The following HYDIN variants were observed in gnomAD, a reference collection of about 807,000 sequenced individuals.
HYDIN encodes HYDIN axonemal central pair apparatus protein.
HYDIN carries 132 observed loss-of-function variants against 403.9 expected under a neutral mutation model. The observed-to-expected ratio is 0.33, with a 90% confidence interval of 0.28 to 0.38. HYDIN has a LOEUF of 0.38. Among genes scored for constraint, HYDIN ranks in the 10% least tolerant of loss-of-function variants. HYDIN has a pLI of 1.00. For synonymous variants in HYDIN, 1,202 were observed against 1,891.7 expected, an observed-to-expected ratio of 0.64 and a Z score of 9.46; for missense variants, 2,827 against 5,009.5, an observed-to-expected ratio of 0.56 and a Z score of 13.15.
At chr16:70,812,254 C>A (rs1311556389) in intron 84 of HYDIN, among the ~76,000 whole-genome samples, 2 of 134,236 alleles carry the variant, frequency 1.5e-5, no homozygotes, top group East Asian at 4.3e-4. Flanking sequence ...CTTTGGGAGG[C>A]TAAGGCAGGA....
At position 70,896,094 on chromosome 16, in the gene HYDIN, G is replaced by A. The variant is rs565129136; in HGVS notation, c.9049-14C>T. 14 of 1,613,642 alleles carry A rather than the reference G, an allele frequency of 8.7e-6. No homozygotes were observed. The South Asian group carries it at 1.5e-4, about 18-fold the overall frequency. ...TGCATCTAAAACCTGGCAGGGAAAG[G>A]GAAAGTCTTCAGTAAAAGCAAGACC... On this transcript the variant is annotated splice_polypyrimidine_tract_variant and intron_variant, in intron 53 of 85. Coordinates refer to ENST00000393567, the MANE Select transcript of HYDIN (RefSeq NM_001270974.2).
intron 27 of HYDIN, among the ~76,000 whole-genome samples, chr16:70,986,637 T>C (rs926008744): frequency 6.4e-4 from 97 of 151,902 alleles, no homozygotes; most frequent in Non-Finnish European, 1.2e-3. Context: ...ACACAAAATC[T>C]GATTGGGAAG....
At chr16:70,960,020 T>C (rs1290801324) in intron 38 of HYDIN, among the ~76,000 whole-genome samples, 200 bp from the exon 39 acceptor site, 1 of 152,218 alleles carries the variant, frequency 6.6e-6, no homozygotes, top group Non-Finnish European at 1.5e-5. Context: ...GCTACTAAAA[T>C]AAAAAAACAG....
chr16:70,972,017 A>G (rs2078747334), intron 35 of HYDIN, among the ~76,000 whole-genome samples: 1 of 151,682 alleles, frequency 6.6e-6, no homozygotes, highest in Non-Finnish European at 1.5e-5. Flanking sequence ...ACCAATTCCA[A>G]CTCAACATTC....
chr16:71,194,405 G>A (rs1029639852), intron 1 of HYDIN, among the ~76,000 whole-genome samples: 2 of 152,130 alleles, frequency 1.3e-5, no homozygotes, highest in South Asian at 2.1e-4. Flanking sequence ...GTGAGACTCC[G>A]TCCCAAAAAT....
chr16:70,809,978 C>T lies in HYDIN; in HGVS notation c.14688G>A (p.Leu4896=), dbSNP rs759348210. The T allele has an allele frequency of 7.4e-6, 12 of 1,614,188 alleles. No individual in the cohort carries two copies. In the Admixed American group the frequency reaches 2.0e-4, roughly 27 times the overall value. Residue 4896 remains leucine, a synonymous_variant, in exon 85 of 86, where the codon CTG becomes CTA. Coordinates refer to ENST00000393567, the MANE Select transcript of HYDIN (RefSeq NM_001270974.2). ...EGTFSFEFQP[L]KAGETFGRLT... ...GTCTTCCGAAGGTTTCTCCAGCTTT[C>T]AGGGGCTGAAATTCAAATGAGAACG...
chr16:70,891,472 A>G (rs1483927442), intron 57 of HYDIN, among the ~76,000 whole-genome samples, 174 bp downstream of exon 57: 2 of 152,264 alleles, frequency 1.3e-5, no homozygotes, highest in Admixed American at 1.3e-4. Context: ...TACAGGTGTG[A>G]GCCACTGCGC....
rs549541863 is a variant in HYDIN at position 70,900,934 on chromosome 16, G to A, written c.9048+70C>T. 3.0e-4 allele frequency: 166 copies of A among 550,876 alleles called. No homozygotes were observed. In the East Asian group the frequency reaches 4.8e-3, roughly 16 times the overall value. 34.1% of individuals were successfully genotyped at this position (550,876 alleles called of 1,614,324 possible). ...GACCTCTGTGTGTGTGTGTGTGTGT[G>A]TGTGTGTGTGTGTGTGTGTGTGTGT... On this transcript the variant is annotated intron_variant, in intron 53 of 85. Transcript: ENST00000393567.
intron 1 of HYDIN, among the ~76,000 whole-genome samples, chr16:71,202,113 G>A (rs1311635999): frequency 6.6e-6 from 1 of 152,136 alleles, no homozygotes; most frequent in Non-Finnish European, 1.5e-5. Context: ...CTGAAAGACT[G>A]GTAGGATTTC....
At chr16:71,113,591 A>ATTTTTT (rs139507490) in intron 10 of HYDIN, 2 of 127,586 alleles carry the variant, frequency 1.6e-5, no homozygotes, top group Non-Finnish European at 3.3e-5. Flanking sequence ...CATGATCTTG[A>ATTTTTT]TTTTTTTTTT....
chr16:71,019,160 G>A (rs930237347), intron 22 of HYDIN, among the ~76,000 whole-genome samples: 53 of 151,788 alleles, frequency 3.5e-4, no homozygotes, highest in African/African-American at 1.3e-3. Context: ...GCCAGTGTCT[G>A]CAGTAACACC....
chr16:71,003,795 T>C (rs1025777403), intron 23 of HYDIN, among the ~76,000 whole-genome samples: 63 of 149,442 alleles, frequency 4.2e-4, no homozygotes, highest in African/African-American at 1.3e-3. Flanking sequence ...CGAGACTCCA[T>C]CTCAAAAAAA....
intron 85 of HYDIN, among the ~76,000 whole-genome samples, 163 bp downstream of exon 85, chr16:70,809,620 G>A (rs902401045): frequency 6.6e-6 from 1 of 152,212 alleles, no homozygotes; most frequent in Non-Finnish European, 1.5e-5. Context: ...CTAGCTGGGA[G>A]TTTCCAGGCT....
chr16:70,953,507 T>C (rs1439007211), intron 40 of HYDIN, among the ~76,000 whole-genome samples: 2 of 152,158 alleles, frequency 1.3e-5, no homozygotes, highest in Non-Finnish European at 2.9e-5. Context: ...TTTCCTTGAC[T>C]TCCCTGACAG....
intron 7 of HYDIN, among the ~76,000 whole-genome samples, chr16:71,139,294 T>C (rs1174531841): frequency 1.3e-5 from 2 of 152,080 alleles, no homozygotes; most frequent in Non-Finnish European, 2.9e-5. Flanking sequence ...GAAAGGTACT[T>C]GCATCCAAAG....
chr16:70,893,371 G>A (rs2041588146), intron 55 of HYDIN, among the ~76,000 whole-genome samples: 1 of 152,088 alleles, frequency 6.6e-6, no homozygotes, highest in African/African-American at 2.4e-5. Context: ...TGGGGAAGGA[G>A]AACTTTCCAT....
At chr16:70,866,138 A>G (rs1319510300) in intron 67 of HYDIN, 31 bp downstream of exon 67, 2 of 1,605,766 alleles carry the variant, frequency 1.2e-6, no homozygotes, top group Non-Finnish European at 8.5e-7. Flanking sequence ...GAGCTTTTCC[A>G]TCTAGTATCA....
intron 5 of HYDIN, 72 bp from the exon 6 acceptor site, chr16:71,162,802 T>C (rs1358560326): frequency 1.5e-5 from 9 of 588,916 alleles, no homozygotes; most frequent in Non-Finnish European, 2.7e-5. Context: ...AAGAAAAGGG[T>C]CGATGAGAGG....
At chr16:70,860,022 T>C in intron 71 of HYDIN, 46 bp downstream of exon 71, 3 of 1,562,202 alleles carry the variant, frequency 1.9e-6, no homozygotes, top group Non-Finnish European at 2.6e-6. Flanking sequence ...CAGCAATGGC[T>C]AGAGTGATCT....
Sources: gnomAD v4.1 joint callset for allele counts (sites outside exome capture counted in the v4.1 genomes callset) on GRCh38, gnomAD v4.1.1 for gene constraint, MANE v1.5 for transcripts, NCBI Gene and HGNC (gene_info 2026-07-23, HGNC 2026-07-21) for gene names.